Variants in AGO3 observed in about 807,000 individuals in gnomAD.
AGO3 encodes protein argonaute-3.
In AGO3, 16 loss-of-function variants were observed where a neutral mutation model predicts 105.5. That is an observed-to-expected ratio of 0.15 (90% CI 0.10 to 0.23). The LOEUF (loss-of-function observed/expected upper bound fraction) is 0.23, where lower values mean the gene tolerates loss of function less well. Ranked by LOEUF, AGO3 falls within the 10% of genes least tolerant of loss-of-function variation. The pLI is 1.00. For missense variants in AGO3, 534 were observed against 1,088.0 expected (o/e 0.49, Z 7.16); for synonymous variants, 340 against 367.3 (o/e 0.93, Z 0.85).
intron 5 of AGO3, among the ~76,000 whole-genome samples, chr1:35,982,024 AT>A (rs1647062394): frequency 2.0e-5 from 3 of 152,272 alleles, no homozygotes; most frequent in South Asian, 2.1e-4. Flanking sequence ...TGTTTTTAAC[AT>A]TGTTTTTGTT....
intron 16 of AGO3, 87 bp downstream of exon 16, chr1:36,040,528 A>T (rs1642199284): frequency 6.9e-7 from 1 of 1,448,804 alleles, no homozygotes; most frequent in South Asian, 1.3e-5. Context: ...CTCTGCCAAC[A>T]GCAGGATTTC....
At chr1:35,973,214 G>A (rs954435219) in intron 4 of AGO3, among the ~76,000 whole-genome samples, 161 bp from the exon 5 acceptor site, 10 of 151,900 alleles carry the variant, frequency 6.6e-5, no homozygotes, top group African/African-American at 2.4e-4. Flanking sequence ...TCCATTTAGA[G>A]TGGATACTTT....
At chr1:35,940,710 A>G (rs117275883) in intron 1 of AGO3, among the ~76,000 whole-genome samples, 247 of 152,268 alleles carry the variant, frequency 1.6e-3, no homozygotes, top group Admixed American at 6.7e-3. Context: ...GCTAAACCCA[A>G]TAGTTCCCAG....
At chr1:36,024,618 G>A (rs928228431) in intron 11 of AGO3, among the ~76,000 whole-genome samples, 4 of 152,142 alleles carry the variant, frequency 2.6e-5, no homozygotes, top group Admixed American at 1.3e-4. Flanking sequence ...TATTTGTGAC[G>A]AAAGCTACTC....
chr1:35,975,989 A>G (rs149266867), intron 5 of AGO3, among the ~76,000 whole-genome samples: 1 of 150,322 alleles, frequency 6.7e-6, no homozygotes, highest in East Asian at 2.0e-4. Flanking sequence ...GCTCTGGAGT[A>G]CAATGGAGTG....
chr1:36,045,342 C>T (rs1003294190), intron 17 of AGO3, among the ~76,000 whole-genome samples: 1 of 152,050 alleles, frequency 6.6e-6, no homozygotes, highest in Non-Finnish European at 1.5e-5. Flanking sequence ...CTGCCTCAGC[C>T]TCCCAAGTAG....
At chr1:36,042,816 A>G (rs1178733233) in intron 16 of AGO3, among the ~76,000 whole-genome samples, 1 of 152,224 alleles carries the variant, frequency 6.6e-6, no homozygotes, top group Non-Finnish European at 1.5e-5. Flanking sequence ...TATGAAATAA[A>G]AGGAATAAGG....
Position 36,027,341 on chromosome 1 carries a change from G to T in AGO3, c.1591+43G>T, listed in dbSNP as rs1479035227. The T allele has an allele frequency of 1.3e-6, 2 of 1,514,330 alleles. No homozygotes were observed. The highest frequency in any genetic ancestry group is 2.6e-5 in the South Asian group (2 of 78,298). The allele number at this position is 1,514,330 out of a possible 1,614,324, so 93.8% of individuals were successfully genotyped here. A position where few individuals can be genotyped will look rare whatever the true frequency, so the allele number is the denominator to read the frequency against. On this transcript the variant is annotated intron_variant, in intron 12 of 18. Transcript: ENST00000373191. This position sits in a 1 kb window ranked among gnomAD's most constrained non-coding sequence, Gnocchi z 4.0. Reference sequence around the variant, plus strand: ...CTGCATTTTTCCTCAAGTACTTGATGTCCTTTTAGGATTATACTGAAACAT... The same window carrying T: ...CTGCATTTTTCCTCAAGTACTTGATTTCCTTTTAGGATTATACTGAAACAT...
intron 5 of AGO3, among the ~76,000 whole-genome samples, chr1:35,991,562 A>C (rs983794096): frequency 2.0e-5 from 3 of 148,096 alleles, no homozygotes; most frequent in Admixed American, 6.8e-5. Context: ...TAAAATATAT[A>C]ATATATGTAT....
intron 5 of AGO3, among the ~76,000 whole-genome samples, chr1:35,977,152 A>G (rs1027950977): frequency 2.0e-5 from 3 of 151,046 alleles, no homozygotes; most frequent in Non-Finnish European, 4.4e-5. Flanking sequence ...GAGGTAATGG[A>G]TACCCCATTT....
intron 5 of AGO3, among the ~76,000 whole-genome samples, chr1:35,974,238 A>G (rs1175973854): frequency 1.3e-5 from 2 of 152,246 alleles, no homozygotes; most frequent in East Asian, 3.9e-4. Context: ...GATTTCCCTG[A>G]TTGTCTGAAA....
chr1:35,970,729 GT>G (rs1313965160), intron 3 of AGO3, among the ~76,000 whole-genome samples: 1 of 150,596 alleles, frequency 6.6e-6, no homozygotes, highest in Non-Finnish European at 1.5e-5. Flanking sequence ...CCCTCCCTTT[GT>G]TTATTTATTT....
chr1:35,965,820 C>CTCT (rs1374277465), intron 2 of AGO3, among the ~76,000 whole-genome samples: 56 of 120,176 alleles, frequency 4.7e-4, no homozygotes, highest in African/African-American at 1.7e-3. Flanking sequence ...TTGAATCTCT[C>CTCT]TTTTTTTTTT....
chr1:36,017,844 A>C (rs1640985324), intron 11 of AGO3, among the ~76,000 whole-genome samples: 1 of 152,004 alleles, frequency 6.6e-6, no homozygotes, highest in African/African-American at 2.4e-5. Flanking sequence ...CAGAGGTTGC[A>C]GTGAGCCGAG....
At chr1:36,026,609 T>A (rs773594774) in intron 11 of AGO3, among the ~76,000 whole-genome samples, 12 of 152,232 alleles carry the variant, frequency 7.9e-5, no homozygotes, top group South Asian at 2.1e-4. Context: ...CTGCCGTGCC[T>A]CTTTCTTATG....
intron 5 of AGO3, among the ~76,000 whole-genome samples, chr1:35,981,776 G>A (rs1262538764): frequency 6.6e-6 from 1 of 152,118 alleles, no homozygotes; most frequent in African/African-American, 2.4e-5. Context: ...CTCCTTCTGA[G>A]AATCCCCCAT....
rs984183738 is a variant in AGO3 at position 36,039,388 on chromosome 1, G to A, written c.1843-402G>A. Among the ~76,000 whole-genome samples the A allele has an allele frequency of 3.3e-5, 5 of 151,688 alleles. No individual in the cohort carries two copies. In the East Asian group the frequency reaches 9.8e-4, roughly 30 times the overall value. On this transcript the variant is annotated intron_variant, in intron 14 of 18. Transcript: ENST00000373191. ...GCACACCTGTAGTCCCAGCTACTCTGGAGGCTGAGGCAGGAGAATCGCTTG... is the reference window on the plus strand; with the variant it reads ...GCACACCTGTAGTCCCAGCTACTCTAGAGGCTGAGGCAGGAGAATCGCTTG...
chr1:35,994,793 A>G (rs1241883118), intron 5 of AGO3, among the ~76,000 whole-genome samples: 1 of 152,222 alleles, frequency 6.6e-6, no homozygotes, highest in Non-Finnish European at 1.5e-5. Flanking sequence ...AATAAATATA[A>G]AGATGTGCAT....
chr1:35,991,871 C>A (rs1463965686), intron 5 of AGO3, among the ~76,000 whole-genome samples: 1 of 151,976 alleles, frequency 6.6e-6, no homozygotes, highest in Non-Finnish European at 1.5e-5. Context: ...TTGTTTTGAT[C>A]TCTGTCTTCC....
Sources: gnomAD v4.1 joint callset for allele counts (sites outside exome capture counted in the v4.1 genomes callset) on GRCh38, gnomAD v4.1.1 for gene constraint, Gnocchi (gnomAD v3.1) non-coding constraint, MANE v1.5 for transcripts, NCBI Gene and HGNC (gene_info 2026-07-23, HGNC 2026-07-21) for gene names.